The following COLEC12 variants were observed in gnomAD, a reference collection of about 807,000 sequenced individuals.
The protein encoded by COLEC12 is collectin subfamily member 12, also known as collectin-12.
Under a neutral mutation model 71.1 loss-of-function variants are expected in COLEC12, and 33 were observed. The ratio of observed to expected loss-of-function variants is 0.46; its 90% CI spans 0.35 to 0.62. The LOEUF (loss-of-function observed/expected upper bound fraction) is 0.62. Ranked by LOEUF, COLEC12 falls within the 20% of genes least tolerant of loss-of-function variation. The probability of loss-of-function intolerance (pLI) is 0.00; values close to 1 mark genes in which losing one functional copy is unlikely to be tolerated. For synonymous variants in COLEC12, 350 were observed against 353.0 expected (o/e 0.99, Z 0.10); for missense variants, 765 against 916.1 (o/e 0.84, Z 2.13).
chr18:328,934 A>G (rs1228334338), intron 8 of COLEC12, among the ~76,000 whole-genome samples: 1 of 152,194 alleles, frequency 6.6e-6, no homozygotes, highest in Non-Finnish European at 1.5e-5. Context: ...CGCCTGTCTA[A>G]CTTATTCTTG....
chr18:419,579 C>G (rs573189356), intron 2 of COLEC12, among the ~76,000 whole-genome samples: 1 of 152,166 alleles, frequency 6.6e-6, no homozygotes, highest in African/African-American at 2.4e-5. Context: ...ACGTTTCTAA[C>G]AAAACATTTG....
rs564505340 is a variant in COLEC12 at position 402,018 on chromosome 18, T to A, written c.59-44496A>T. On this transcript the variant is annotated intron_variant, in intron 2 of 9. Transcript: ENST00000400256. The stretch of plus-strand genomic sequence containing the variant: ...CTTCAGAACTCCTTCCAGGCTTGTG[T>A]GATTCCACAATTCTATTCTACTTAG... 7.9e-5 allele frequency among the ~76,000 whole-genome samples: 12 copies of A among 152,342 alleles called. No individual in the cohort carries two copies. The South Asian group carries it at 2.5e-3, about 32-fold the overall frequency.
Position 432,137 on chromosome 18 carries a change from T to C in COLEC12, c.58+48570A>G, listed in dbSNP as rs184320649. ...ACTCTTAGGTCTGGAACTGGATCCA[T>C]AGTGAACCTGGACTTGATTATGTCC... On this transcript the variant is annotated intron_variant, in intron 2 of 9. Transcript: ENST00000400256. Among the ~76,000 whole-genome samples, 207 of 152,298 alleles carry C rather than the reference T, an allele frequency of 1.4e-3. 2 individuals are homozygous for C. The highest frequency in any genetic ancestry group is 4.9e-3 in the African/African-American group (202 of 41,582).
chr18:496,350 T>C (rs1917712453), intron 1 of COLEC12, among the ~76,000 whole-genome samples: 1 of 152,122 alleles, frequency 6.6e-6, no homozygotes, highest in Non-Finnish European at 1.5e-5. Flanking sequence ...TTAGCAATAA[T>C]TAAACCTCAG....
At chr18:490,092 T>C (rs5004259) in intron 1 of COLEC12, among the ~76,000 whole-genome samples, 100,147 of 152,206 alleles carry the variant, frequency 0.66, 33,125 homozygotes, top group Middle Eastern at 0.79. Flanking sequence ...TCCAGGGCCC[T>C]GGCCTTAGAG....
At chr18:324,800 T>C (rs1199220141) in intron 8 of COLEC12, among the ~76,000 whole-genome samples, 1 of 151,842 alleles carries the variant, frequency 6.6e-6, no homozygotes. Context: ...CTGTACTCCA[T>C]CCTGGGTGAC....
At chr18:342,219 G>A (rs780556274) in intron 5 of COLEC12, among the ~76,000 whole-genome samples, 18 of 149,990 alleles carry the variant, frequency 1.2e-4, no homozygotes, top group Non-Finnish European at 2.2e-4. Flanking sequence ...CACCACGCCC[G>A]GTTAATTTTA....
intron 8 of COLEC12, among the ~76,000 whole-genome samples, chr18:330,873 G>GTTTTTTTTTTTTTTTTTTTT (rs60146586): frequency 2.2e-5 from 3 of 133,768 alleles, no homozygotes; most frequent in Non-Finnish European, 3.1e-5. Flanking sequence ...CACATTTGTA[G>GTTTTTTTTTTTTTTTTTTTT]TTTTTTTTTT....
intron 2 of COLEC12, among the ~76,000 whole-genome samples, chr18:440,843 T>C (rs1461777022): frequency 1.3e-5 from 2 of 152,194 alleles, no homozygotes; most frequent in South Asian, 2.1e-4. Context: ...ATCATACCTA[T>C]AGGATACCTG....
chr18:390,728 C>A (rs1428748166), intron 2 of COLEC12, among the ~76,000 whole-genome samples: 1 of 151,930 alleles, frequency 6.6e-6, no homozygotes, highest in Non-Finnish European at 1.5e-5. Flanking sequence ...TCACTGCACT[C>A]CAGCCTGGGC....
At chr18:489,234 A>C (rs1189599067) in intron 1 of COLEC12, among the ~76,000 whole-genome samples, 1 of 152,248 alleles carries the variant, frequency 6.6e-6, no homozygotes, top group Non-Finnish European at 1.5e-5. Flanking sequence ...TAAATACAGC[A>C]GTGCTTTCGA....
chr18:476,388 A>T (rs897830983), intron 2 of COLEC12, among the ~76,000 whole-genome samples: 15 of 152,270 alleles, frequency 9.9e-5, no homozygotes, highest in African/African-American at 3.4e-4. Flanking sequence ...AAATACAAAC[A>T]ACAAATGTTC....
rs146512613 is a variant in COLEC12 at position 363,773 on chromosome 18, T to C, written c.59-6251A>G. Among the ~76,000 whole-genome samples, 88 of 152,316 alleles carry C rather than the reference T, an allele frequency of 5.8e-4. 3 individuals carry two copies. In the East Asian group the frequency reaches 0.017, roughly 29 times the overall value. ...CGAAATAACTAGCTTTTCCTTATGA[T>C]GAAGGCTATTTACTAAATGATGAAA... is the stretch of plus-strand genomic sequence containing the variant. On this transcript the variant is annotated intron_variant, in intron 2 of 9. Coordinates refer to ENST00000400256, the MANE Select transcript of COLEC12 (RefSeq NM_130386.3).
At chr18:467,100 T>TCTATTCCTTCTTTCCTTC (rs1917103214) in intron 2 of COLEC12, among the ~76,000 whole-genome samples, 1 of 152,232 alleles carries the variant, frequency 6.6e-6, no homozygotes, top group Non-Finnish European at 1.5e-5. Flanking sequence ...TAATACACTT[T>TCTATTCCTTCTTTCCTTC]CTATTCCTTC....
chr18:355,966 T>C (rs1373986839), intron 3 of COLEC12, among the ~76,000 whole-genome samples: 3 of 152,156 alleles, frequency 2.0e-5, no homozygotes, highest in Non-Finnish European at 4.4e-5. Flanking sequence ...CACAAATGGA[T>C]AGAACGACCT....
At chr18:405,580 G>T (rs145404560) in intron 2 of COLEC12, among the ~76,000 whole-genome samples, 1 of 152,156 alleles carries the variant, frequency 6.6e-6, no homozygotes, top group African/African-American at 2.4e-5. Flanking sequence ...AAATATTGGG[G>T]GCAGGTTCCC....
rs1318017199 is a variant in COLEC12 at position 318,462 on chromosome 18, G to A, written c.*1583C>T. On this transcript the variant is annotated 3_prime_UTR_variant, in exon 10 of 10. Coordinates refer to ENST00000400256, the MANE Select transcript of COLEC12 (RefSeq NM_130386.3). Reference sequence around the variant, plus strand: ...AGCAAGTCAAGGAAAGTCAAGGAGCGAAAGGAAGATGGGCTCAGAGGAAAG... The same window carrying A: ...AGCAAGTCAAGGAAAGTCAAGGAGCAAAAGGAAGATGGGCTCAGAGGAAAG... The A allele has an allele frequency of 1.3e-5, 2 of 148,376 alleles. No homozygotes were observed. The highest frequency in any genetic ancestry group is 4.9e-5 in the African/African-American group (2 of 40,428). 9.2% of individuals were successfully genotyped at this position (148,376 alleles called of 1,614,324 possible). A position where few individuals can be genotyped will look rare whatever the true frequency, so the allele number is the denominator to read the frequency against.
At chr18:437,232 T>C (rs2846642) in intron 2 of COLEC12, among the ~76,000 whole-genome samples, 84,492 of 152,072 alleles carry the variant, frequency 0.56, 23,976 homozygotes, top group South Asian at 0.79. Flanking sequence ...ACTCCAATCC[T>C]GTTTTAATTT....
chr18:418,310 A>G (rs963890194), intron 2 of COLEC12, among the ~76,000 whole-genome samples: 2 of 152,226 alleles, frequency 1.3e-5, no homozygotes, highest in African/African-American at 4.8e-5. Flanking sequence ...AAGAGATAAA[A>G]TATCCCAAAT....
Sources: allele counts gnomAD v4.1 joint callset (sites outside exome capture counted in the v4.1 genomes callset), GRCh38; gene constraint gnomAD v4.1.1; transcripts MANE v1.5; gene names NCBI Gene and HGNC (gene_info 2026-07-23, HGNC 2026-07-21).